The following CELSR1 variants were observed in gnomAD, a reference collection of about 807,000 sequenced individuals.
The protein encoded by CELSR1 is adhesion G protein-coupled receptor C1.
In CELSR1, 110 loss-of-function variants were observed where a neutral mutation model predicts 249.1. The observed-to-expected ratio is 0.44, with a 90% CI of 0.38 to 0.52. CELSR1 has a LOEUF of 0.52. Ranked by LOEUF, CELSR1 falls within the 20% of genes least tolerant of loss-of-function variation. The pLI, the probability that CELSR1 is intolerant of heterozygous loss-of-function variation, is 0.00. For missense variants in CELSR1, 4,109 were observed against 4,296.4 expected, an observed-to-expected ratio of 0.96 and a Z score of 1.22; for synonymous variants, 2,113 against 1,900.0, an observed-to-expected ratio of 1.11 and a Z score of -2.92.
At position 46,369,712 on chromosome 22, in the gene CELSR1, G is replaced by A. The variant is rs1464144091; in HGVS notation, c.7852C>T (p.Pro2618Ser). 1.2e-6 allele frequency: 2 copies of A among 1,613,492 alleles called. No individual in the cohort carries two copies. Among genetic ancestry groups the A allele is most frequent in the Non-Finnish European group, 8.5e-7 (1 of 1,179,944 alleles). ...QDTLIWSFAGPIGAVIIINTV... is the reference protein window; with the variant it reads ...QDTLIWSFAGSIGAVIIINTV... The stretch of plus-strand genomic sequence containing the variant: ...CTCACGATTATAACAGCTCCGATGG[G>A]CCCCGCAAAGCTCCAAATCAGGGTG... Residue 2618 changes from proline to serine, a missense_variant, in exon 26 of 35, where the codon CCC (proline) becomes TCC (serine). Pro to Ser is a moderately conservative substitution (Grantham distance 74, BLOSUM62 -1). Transcript: ENST00000674500.
At position 46,398,344 on chromosome 22, in the gene CELSR1, C is replaced by T. The variant is rs943897207; in HGVS notation, c.5526+180G>A. Among the ~76,000 whole-genome samples the T allele has an allele frequency of 1.3e-5, 2 of 152,076 alleles. No individual in the cohort carries two copies. Among genetic ancestry groups the T allele is most frequent in the East Asian group, 1.9e-4 (1 of 5,188 alleles). The stretch of plus-strand genomic sequence containing the variant: ...GGACGGCCCGGATGCCAAGGGGAAC[C>T]GCAGGGGAGAATGGGTCTGAAGAGG... On this transcript the variant is annotated intron_variant, in intron 11 of 34. Transcript: ENST00000674500. The surrounding 1 kb of genome is among the most constrained non-coding windows in gnomAD (Gnocchi z 7.2).
At chr22:46,420,407 T>A (rs1006357561) in intron 5 of CELSR1, among the ~76,000 whole-genome samples, 1 of 151,530 alleles carries the variant, frequency 6.6e-6, no homozygotes, top group Non-Finnish European at 1.5e-5. Flanking sequence ...CATTTACACG[T>A]GTGCTTCTTC....
At chr22:46,496,666 A>T (rs956401245) in intron 1 of CELSR1, among the ~76,000 whole-genome samples, 3 of 152,096 alleles carry the variant, frequency 2.0e-5, no homozygotes, top group African/African-American at 7.2e-5. Context: ...CAAGACATAA[A>T]CACACACCTT....
In CELSR1 at chr22:46,490,691, C is replaced by A. The variant is rs569817774; in HGVS notation, c.3545-26346G>T. Among the ~76,000 whole-genome samples the A allele has an allele frequency of 6.6e-6, 1 of 152,100 alleles. No individual in the cohort carries two copies. Among genetic ancestry groups the A allele is most frequent in the Non-Finnish European group, 1.5e-5 (1 of 68,026 alleles). On this transcript the variant is annotated intron_variant, in intron 1 of 34. Coordinates refer to ENST00000674500, the MANE Select transcript of CELSR1 (RefSeq NM_001378328.1). The surrounding 1 kb of genome is among the most constrained non-coding windows in gnomAD (Gnocchi z 5.2). ...CAGACTCAGGAAAGTGGTGGGTGTG[C>A]GGGGACACTTTAAAATACCAGAAAA...
chr22:46,525,848 G>C (rs2080733309), intron 1 of CELSR1, among the ~76,000 whole-genome samples: 1 of 152,250 alleles, frequency 6.6e-6, no homozygotes, highest in Admixed American at 6.5e-5. Context: ...AAACCCAAGG[G>C]GACCCTTCAG....
chr22:46,381,705 T>C lies in CELSR1; in HGVS notation c.7088+141A>G, dbSNP rs911227912. 2.6e-6 allele frequency: 2 copies of C among 777,116 alleles called. No individual in the cohort carries two copies. Among genetic ancestry groups the C allele is most frequent in the East Asian group, 2.7e-5 (1 of 37,034 alleles). 48.1% of individuals were successfully genotyped at this position (777,116 alleles called of 1,614,324 possible). A position where few individuals can be genotyped will look rare whatever the true frequency, so the allele number is the denominator to read the frequency against. The stretch of plus-strand genomic sequence containing the variant: ...CCCTCCAAGGACCACCACAAGGCAA[T>C]GGTCTCTGTCTCTGGGCCAGGGTCA... On this transcript the variant is annotated intron_variant, in intron 21 of 34. Transcript: ENST00000674500. This position sits in a 1 kb window ranked among gnomAD's most constrained non-coding sequence, Gnocchi z 6.0.
chr22:46,457,845 G>T (rs1203124154), intron 2 of CELSR1, among the ~76,000 whole-genome samples: 2 of 152,180 alleles, frequency 1.3e-5, no homozygotes, highest in Non-Finnish European at 2.9e-5. Context: ...GGAGGGTCCG[G>T]TTCCTCCTAG....
Position 46,404,194 on chromosome 22 carries a change from C to T in CELSR1, c.5227-4292G>A, listed in dbSNP as rs181772164. ...TGGGAGATCGAGGCGGGTGGGTCAC[C>T]TGAGGTCAGGAGTTGGAGACCAGCC... On this transcript the variant is annotated intron_variant, in intron 9 of 34. Coordinates refer to ENST00000674500, the MANE Select transcript of CELSR1 (RefSeq NM_001378328.1). 5.3e-5 allele frequency among the ~76,000 whole-genome samples: 8 copies of T among 151,834 alleles called. No individual in the cohort carries two copies. In the East Asian group the frequency reaches 1.6e-3, roughly 30 times the overall value.
rs1055871441 is a variant in CELSR1, at chr22:46,430,649, G to C, written c.4611+2744C>G. Among the ~76,000 whole-genome samples the C allele has an allele frequency of 1.3e-5, 2 of 152,184 alleles. No individual in the cohort carries two copies. Among genetic ancestry groups the C allele is most frequent in the Non-Finnish European group, 2.9e-5 (2 of 68,040 alleles). ...GTCACCCCCAAGGTGGCTGCTGGAG[G>C]ACAGGACCAGAGGTGACATTGGAGA... is the stretch of plus-strand genomic sequence containing the variant. On this transcript the variant is annotated intron_variant, in intron 5 of 34. Transcript: ENST00000674500. This position sits in a 1 kb window ranked among gnomAD's most constrained non-coding sequence, Gnocchi z 4.6.
At chr22:46,458,305 C>T (rs1052308816) in intron 2 of CELSR1, among the ~76,000 whole-genome samples, 1 of 152,144 alleles carries the variant, frequency 6.6e-6, no homozygotes, top group Non-Finnish European at 1.5e-5. Context: ...GCACCGGTCA[C>T]CCCAGGAAGG....
intron 1 of CELSR1, among the ~76,000 whole-genome samples, chr22:46,475,625 T>C (rs2080200304): frequency 7.0e-6 from 1 of 142,362 alleles, no homozygotes; most frequent in Non-Finnish European, 1.5e-5. Flanking sequence ...GTTCGTTTTA[T>C]AAAGTTTATT....
chr22:46,536,109 C>T lies in CELSR1; in HGVS notation c.1062G>A (p.Glu354=), dbSNP rs761830980. ...KDTNDHSPVF[E]QSEYRERVRE... ...GCACGCGCTCGCGGTACTCCGACTGCTCGAAGACCGGGCTGTGGTCGTTGG... is the reference window on the plus strand; with the variant it reads ...GCACGCGCTCGCGGTACTCCGACTGTTCGAAGACCGGGCTGTGGTCGTTGG... The change falls in exon 1 of 35, where the codon GAG becomes GAA. Residue 354 remains glutamate (E), a synonymous_variant. Transcript: ENST00000674500. 1.2e-6 allele frequency: 2 copies of T among 1,612,468 alleles called. No individual in the cohort carries two copies. Among genetic ancestry groups the T allele is most frequent in the East Asian group, 2.2e-5 (1 of 44,870 alleles).
intron 1 of CELSR1, among the ~76,000 whole-genome samples, chr22:46,470,596 A>C (rs905478136): frequency 6.6e-6 from 1 of 152,102 alleles, no homozygotes; most frequent in African/African-American, 2.4e-5. Context: ...CCTAACATCA[A>C]TCTCCTTCGA....
In CELSR1 at chr22:46,535,004, G is replaced by T; in HGVS notation, c.2167C>A (p.Gln723Lys). Residue 723 changes from glutamine (Q) to lysine (K), a missense_variant, in exon 1 of 35, where the codon CAG (glutamine) becomes AAG (lysine). Physicochemically the swap from Gln to Lys is moderately conservative, Grantham distance 53. Transcript: ENST00000674500. ...TTCCGGGTGTTGCCGCCTGTGAGCTGGTAGGTAATCACACTGTTGGCGTCA... is the reference window on the plus strand; with the variant it reads ...TTCCGGGTGTTGCCGCCTGTGAGCTTGTAGGTAATCACACTGTTGGCGTCA... ...DRDANSVITY[Q>K]LTGGNTRNRF... The T allele has an allele frequency of 6.2e-7, 1 of 1,612,160 alleles. No homozygotes were observed. The highest frequency in any genetic ancestry group is 8.5e-7 in the Non-Finnish European group (1 of 1,179,586).
At chr22:46,442,079 C>G (rs1488634665) in intron 2 of CELSR1, among the ~76,000 whole-genome samples, 1 of 152,152 alleles carries the variant, frequency 6.6e-6, no homozygotes, top group South Asian at 2.1e-4. Context: ...ATCTGGGCAG[C>G]CGAGGTTGCA....
chr22:46,532,337 G>A (rs11913751), intron 1 of CELSR1, among the ~76,000 whole-genome samples: 6,275 of 152,258 alleles, frequency 0.041, 416 homozygotes, highest in African/African-American at 0.14. Flanking sequence ...TTCTCTACAC[G>A]TTTACAATCT....
At position 46,409,894 on chromosome 22, in the gene CELSR1, G is replaced by C; in HGVS notation, c.4934-14C>G. On this transcript the variant is annotated splice_polypyrimidine_tract_variant and intron_variant, in intron 7 of 34. Coordinates refer to ENST00000674500, the MANE Select transcript of CELSR1 (RefSeq NM_001378328.1). This position sits in a 1 kb window ranked among gnomAD's most constrained non-coding sequence, Gnocchi z 9.8. ...GAGCAGCGCAGCCTGGCAACACAGA[G>C]CGTGCGGCAGAGCCTGACTCGGAGG... 1 of 1,611,172 alleles carries C rather than the reference G, an allele frequency of 6.2e-7. No homozygotes were observed.
intron 18 of CELSR1, 122 bp downstream of exon 18, chr22:46,389,167 TG>T: frequency 9.3e-7 from 1 of 1,074,574 alleles, no homozygotes; most frequent in Non-Finnish European, 1.4e-6. Context: ...GAAATGAGGA[TG>T]GGGATCCTGG....
intron 1 of CELSR1, among the ~76,000 whole-genome samples, chr22:46,511,653 C>T (rs1259776511): frequency 4.6e-5 from 7 of 152,206 alleles, no homozygotes; most frequent in African/African-American, 1.7e-4. Flanking sequence ...CCAACACCCC[C>T]ACAATGCCAC....
Sources: gnomAD v4.1 joint callset for allele counts (sites outside exome capture counted in the v4.1 genomes callset) on GRCh38, gnomAD v4.1.1 for gene constraint, Gnocchi (gnomAD v3.1) non-coding constraint, MANE v1.5 for transcripts, NCBI Gene and HGNC (gene_info 2026-07-23, HGNC 2026-07-21) for gene names.